Variants in NTRK2 observed in about 807,000 individuals in gnomAD.
The protein encoded by NTRK2 is neurotrophic receptor tyrosine kinase 2.
In NTRK2, 13 loss-of-function variants were observed where a neutral mutation model predicts 94.5. The ratio of observed to expected loss-of-function variants is 0.14; its 90% CI spans 0.09 to 0.22. NTRK2 has a LOEUF of 0.22. Among genes scored for constraint, NTRK2 ranks in the 10% least tolerant of loss-of-function variants. NTRK2 has a pLI of 1.00. For synonymous variants in NTRK2, 372 were observed against 407.4 expected, an observed-to-expected ratio of 0.91 and a Z score of 1.05; for missense variants, 639 against 1,071.2, an observed-to-expected ratio of 0.60 and a Z score of 5.63.
At chr9:84,762,972 C>T (rs1301442058) in intron 12 of NTRK2, among the ~76,000 whole-genome samples, 1 of 152,134 alleles carries the variant, frequency 6.6e-6, no homozygotes, top group African/African-American at 2.4e-5. Context: ...CCCAGTTGTC[C>T]TTGGCCACCA....
chr9:84,994,061 C>A (rs189788797), intron 17 of NTRK2, among the ~76,000 whole-genome samples: 1 of 152,268 alleles, frequency 6.6e-6, no homozygotes, highest in Admixed American at 6.5e-5. Flanking sequence ...CACCCTGAAT[C>A]CACATCCTTT....
intron 17 of NTRK2, among the ~76,000 whole-genome samples, chr9:84,980,436 A>G (rs1377237549): frequency 1.3e-5 from 2 of 152,176 alleles, no homozygotes; most frequent in Non-Finnish European, 2.9e-5. Context: ...CTTTTGAGCA[A>G]TATTATATTG....
intron 17 of NTRK2, among the ~76,000 whole-genome samples, chr9:85,013,491 C>T (rs568626645): frequency 1.2e-4 from 18 of 152,060 alleles, no homozygotes; most frequent in Non-Finnish European, 2.4e-4. Flanking sequence ...TTAGTAGAGA[C>T]GGGGTTTCAC....
chr9:85,001,398 G>A (rs940754109), intron 17 of NTRK2, among the ~76,000 whole-genome samples: 21 of 152,174 alleles, frequency 1.4e-4, no homozygotes, highest in African/African-American at 2.7e-4. Context: ...ATGGGCAAGC[G>A]ATCTCTGCCA....
At chr9:84,934,495 C>G (rs2078147135) in intron 15 of NTRK2, among the ~76,000 whole-genome samples, 2 of 152,152 alleles carry the variant, frequency 1.3e-5, no homozygotes, top group Admixed American at 1.3e-4. Flanking sequence ...TCTCAGTGGC[C>G]ACTGACAAGT....
intron 17 of NTRK2, among the ~76,000 whole-genome samples, chr9:84,964,705 A>G (rs1825351782): frequency 6.6e-6 from 1 of 152,152 alleles, no homozygotes; most frequent in Non-Finnish European, 1.5e-5. Flanking sequence ...TAAGCTCACA[A>G]TGTTTGTTTC....
chr9:84,873,055 A>C, intron 14 of NTRK2: 1 of 1,063,540 alleles, frequency 9.4e-7, no homozygotes, highest in Non-Finnish European at 1.1e-6. Flanking sequence ...GAAGCTCATT[A>C]GATCAAAGAG....
At chr9:84,680,428 C>T (rs1030527981) in intron 2 of NTRK2, among the ~76,000 whole-genome samples, 1 of 152,206 alleles carries the variant, frequency 6.6e-6, no homozygotes. Flanking sequence ...GGGCCACCTC[C>T]ACTCATACTG....
upstream of NTRK2, among the ~76,000 whole-genome samples, chr9:84,669,140 G>A (rs2058542613): frequency 6.6e-6 from 1 of 152,192 alleles, no homozygotes; most frequent in African/African-American, 2.4e-5. This position sits in a 1 kb window ranked among gnomAD's most constrained non-coding sequence, Gnocchi z 4.1. Flanking sequence ...CGGAATGGGG[G>A]CGGTGATCCT....
intron 10 of NTRK2, among the ~76,000 whole-genome samples, chr9:84,742,788 A>G (rs1046433019): frequency 8.8e-5 from 7 of 79,734 alleles, no homozygotes; most frequent in African/African-American, 2.3e-4. Flanking sequence ...CCATTATATT[A>G]GTTTTTTTTT....
At chr9:84,989,498 G>A (rs1261933992) in intron 17 of NTRK2, among the ~76,000 whole-genome samples, 1 of 152,150 alleles carries the variant, frequency 6.6e-6, no homozygotes, top group Non-Finnish European at 1.5e-5. Flanking sequence ...CATTGCCCCA[G>A]TATTGGCAAT....
chr9:84,863,765 A>G (rs1023368486), intron 13 of NTRK2, among the ~76,000 whole-genome samples: 2 of 152,256 alleles, frequency 1.3e-5, no homozygotes, highest in Non-Finnish European at 2.9e-5. Flanking sequence ...AGAAAACAGC[A>G]CTTGAATTAA....
At chr9:84,903,665 T>C (rs964546341) in intron 14 of NTRK2, among the ~76,000 whole-genome samples, 4 of 152,178 alleles carry the variant, frequency 2.6e-5, no homozygotes, top group African/African-American at 4.8e-5. Context: ...TCTATTCTTT[T>C]CTTTTCTCAT....
chr9:84,901,528 G>T (rs770185214), intron 14 of NTRK2, among the ~76,000 whole-genome samples: 2 of 151,956 alleles, frequency 1.3e-5, no homozygotes, highest in African/African-American at 2.4e-5. Flanking sequence ...CACCGCGCCC[G>T]ACCATAATTT....
At chr9:84,861,204 G>T in intron 13 of NTRK2, 117 bp downstream of exon 13, 2 of 840,776 alleles carry the variant, frequency 2.4e-6, no homozygotes, top group South Asian at 1.6e-5. Flanking sequence ...CTGTGTTCCT[G>T]GTTTTTGATT....
At chr9:84,698,237 A>C (rs1174545637) in intron 2 of NTRK2, among the ~76,000 whole-genome samples, 1 of 151,982 alleles carries the variant, frequency 6.6e-6, no homozygotes, top group Non-Finnish European at 1.5e-5. Flanking sequence ...TGTGAACACT[A>C]TGTGATATTA....
intron 14 of NTRK2, chr9:84,877,997 C>A: frequency 2.1e-6 from 2 of 967,822 alleles, no homozygotes; most frequent in Non-Finnish European, 2.5e-6. Flanking sequence ...GCACCACGAA[C>A]AGAGCTCTAG....
At chr9:84,714,037 T>A (rs1564108742) in intron 6 of NTRK2, among the ~76,000 whole-genome samples, 2 of 152,200 alleles carry the variant, frequency 1.3e-5, no homozygotes, top group South Asian at 4.1e-4. Flanking sequence ...GATAGATATT[T>A]ACACTTTTGG....
chr9:84,699,659 G>T (rs1450166600), intron 2 of NTRK2, among the ~76,000 whole-genome samples: 2 of 144,232 alleles, frequency 1.4e-5, no homozygotes, highest in Non-Finnish European at 3.1e-5. Flanking sequence ...AAGCTTATGT[G>T]TGTGTTTTTT....
Sources: gnomAD v4.1 joint callset for allele counts (sites outside exome capture counted in the v4.1 genomes callset) on GRCh38, gnomAD v4.1.1 for gene constraint, Gnocchi (gnomAD v3.1) non-coding constraint, MANE v1.5 for transcripts, NCBI Gene and HGNC (gene_info 2026-07-23, HGNC 2026-07-21) for gene names.